The following DLGAP2 variants were observed in gnomAD, a reference collection of about 807,000 sequenced individuals.
DLGAP2 encodes DLG associated protein 2, also known as disks large-associated protein 2.
DLGAP2 carries 26 observed loss-of-function variants against 100.3 expected under a neutral mutation model. The observed-to-expected ratio is 0.26, with a 90% CI of 0.19 to 0.36. DLGAP2 has a LOEUF of 0.36. Among genes scored for constraint, DLGAP2 ranks in the 10% least tolerant of loss-of-function variants. DLGAP2 has a pLI of 1.00. For synonymous variants in DLGAP2, 886 were observed against 630.1 expected, an observed-to-expected ratio of 1.41 and a Z score of -6.08; for missense variants, 1,858 against 1,453.2, an observed-to-expected ratio of 1.28 and a Z score of -4.53.
At chr8:1,044,980 C>T (rs1419297000) in intron 2 of DLGAP2, among the ~76,000 whole-genome samples, 7 of 152,244 alleles carry the variant, frequency 4.6e-5, no homozygotes, top group African/African-American at 7.2e-5. Context: ...TGCTTACCTT[C>T]AGCTACAGAC....
chr8:1,127,610 G>A (rs541380502), intron 2 of DLGAP2, among the ~76,000 whole-genome samples: 1 of 152,328 alleles, frequency 6.6e-6, no homozygotes, highest in African/African-American at 2.4e-5. Flanking sequence ...AGCACTGAGA[G>A]GAGGGGACAG....
At chr8:1,296,868 G>A (rs17063782) in intron 3 of DLGAP2, among the ~76,000 whole-genome samples, 54,553 of 152,072 alleles carry the variant, frequency 0.36, 10,194 homozygotes, top group African/African-American at 0.4. Flanking sequence ...TGTTTCATGC[G>A]GGGCTCAGAA....
chr8:756,164 G>A (rs1820915057), intron 1 of DLGAP2, among the ~76,000 whole-genome samples: 1 of 152,186 alleles, frequency 6.6e-6, no homozygotes, highest in Admixed American at 6.5e-5. Flanking sequence ...GTGTGAGGAT[G>A]AGCGGGTTGG....
At chr8:948,215 G>C (rs1405657779) in intron 2 of DLGAP2, among the ~76,000 whole-genome samples, 2 of 152,312 alleles carry the variant, frequency 1.3e-5, no homozygotes, top group South Asian at 4.1e-4. Context: ...CTTTCACTTT[G>C]ATTTGGGGCA....
At chr8:1,249,172 A>C (rs1412546192) in intron 2 of DLGAP2, among the ~76,000 whole-genome samples, 1 of 152,156 alleles carries the variant, frequency 6.6e-6, no homozygotes. Flanking sequence ...TGCCTGCTTT[A>C]CTGCTGGAGA....
chr8:1,332,388 AGT>A (rs968669497), intron 3 of DLGAP2, among the ~76,000 whole-genome samples: 12 of 151,340 alleles, frequency 7.9e-5, no homozygotes, highest in South Asian at 2.1e-4. Flanking sequence ...CATGTGTGTT[AGT>A]GTGTGTCTGC....
chr8:1,036,712 C>T (rs186913204), intron 2 of DLGAP2, among the ~76,000 whole-genome samples: 100 of 152,204 alleles, frequency 6.6e-4, no homozygotes, highest in African/African-American at 2.0e-3. Context: ...GTGCTGGCTC[C>T]GGCTCAGAAC....
intron 1 of DLGAP2, among the ~76,000 whole-genome samples, chr8:795,450 C>T (rs925250123): frequency 3.9e-5 from 6 of 152,178 alleles, no homozygotes; most frequent in African/African-American, 7.2e-5. Context: ...CCATTTTAAA[C>T]AGTGAAATCA....
Position 935,404 on chromosome 8 carries a change from G to C in DLGAP2, c.73+27438G>C, listed in dbSNP as rs114292413. On this transcript the variant is annotated intron_variant, in intron 2 of 14. Transcript: ENST00000637795. The stretch of plus-strand genomic sequence containing the variant: ...TTACATGCTGGATTTTGAAGACTTG[G>C]TATGAAAACACATGTGAAGTAGCTT... Among the ~76,000 whole-genome samples the C allele has an allele frequency of 4.3e-3, 653 of 152,280 alleles. 6 individuals carry two copies. Among genetic ancestry groups the C allele is most frequent in the African/African-American group, 0.015 (616 of 41,546 alleles).
intron 3 of DLGAP2, among the ~76,000 whole-genome samples, chr8:1,435,039 T>C (rs143840364): frequency 8.7e-4 from 132 of 152,304 alleles, no homozygotes; most frequent in African/African-American, 3.0e-3. Context: ...TGCCAACATT[T>C]CAATGGTCAC....
rs186515039 is a variant in DLGAP2, at chr8:1,316,659, G to A, written c.106+57776G>A. Among the ~76,000 whole-genome samples the A allele has an allele frequency of 5.1e-4, 73 of 143,548 alleles. 3 individuals carry two copies. In the South Asian group the frequency reaches 5.6e-3, roughly 11 times the overall value. 94.2% of individuals were successfully genotyped at this position (143,548 alleles called of 152,430 possible). A position where few individuals can be genotyped will look rare whatever the true frequency, so the allele number is the denominator to read the frequency against. The stretch of plus-strand genomic sequence containing the variant: ...GTCTCTCCAACAGTGGTCTACACTC[G>A]AGACACTTGGCAGCTTTTAAAAATA... On this transcript the variant is annotated intron_variant, in intron 3 of 14. Transcript: ENST00000637795.
At chr8:1,634,502 GGTTC>G (rs1797723589) in intron 8 of DLGAP2, among the ~76,000 whole-genome samples, 1 of 152,144 alleles carries the variant, frequency 6.6e-6, no homozygotes, top group Admixed American at 6.5e-5. Flanking sequence ...TGGTTTGGCC[GGTTC>G]TGCTCACTCC....
Position 1,284,404 on chromosome 8 carries a change from G to A in DLGAP2, c.106+25521G>A, listed in dbSNP as rs746929385. Among the ~76,000 whole-genome samples, 7 of 152,216 alleles carry A rather than the reference G, an allele frequency of 4.6e-5. No individual in the cohort carries two copies. The South Asian group carries it at 6.2e-4, about 14-fold the overall frequency. On this transcript the variant is annotated intron_variant, in intron 3 of 14. Transcript: ENST00000637795. ...CCCATCAGTAATTGAGGTGCAGCAC[G>A]GAGAGGAGACAGTGAGAGTGTGCAG...
chr8:1,047,556 T>C (rs1347397969), intron 2 of DLGAP2, among the ~76,000 whole-genome samples: 2 of 152,200 alleles, frequency 1.3e-5, no homozygotes, highest in East Asian at 3.8e-4. Flanking sequence ...GAGTGTCTTA[T>C]AAACAACAGT....
chr8:1,500,234 C>T (rs1799673703), intron 3 of DLGAP2, among the ~76,000 whole-genome samples: 1 of 152,254 alleles, frequency 6.6e-6, no homozygotes, highest in Admixed American at 6.5e-5. Flanking sequence ...CTCCCTGCCC[C>T]CCTCCTCAGG....
chr8:756,836 C>A (rs1820933640), intron 1 of DLGAP2, among the ~76,000 whole-genome samples: 1 of 152,190 alleles, frequency 6.6e-6, no homozygotes, highest in African/African-American at 2.4e-5. Flanking sequence ...CCATCCTACA[C>A]ACAGCTGCCG....
intron 1 of DLGAP2, among the ~76,000 whole-genome samples, chr8:805,949 A>G (rs759611247): frequency 2.0e-5 from 3 of 152,216 alleles, no homozygotes; most frequent in Non-Finnish European, 2.9e-5. Flanking sequence ...TCTGAATTTC[A>G]ACTTGGTCTG....
At chr8:1,526,243 T>A (rs1471137271) in intron 4 of DLGAP2, among the ~76,000 whole-genome samples, 2 of 151,668 alleles carry the variant, frequency 1.3e-5, no homozygotes, top group African/African-American at 4.8e-5. Context: ...CGGTGGCGAT[T>A]GTGTTTTTAC....
chr8:1,266,273 C>T (rs183166286), intron 3 of DLGAP2, among the ~76,000 whole-genome samples: 7 of 152,362 alleles, frequency 4.6e-5, no homozygotes, highest in Admixed American at 3.3e-4. Context: ...GGCATTTTAG[C>T]AAGCACTTAC....
Sources: allele counts gnomAD v4.1 joint callset (sites outside exome capture counted in the v4.1 genomes callset), GRCh38; gene constraint gnomAD v4.1.1; transcripts MANE v1.5; gene names NCBI Gene and HGNC (gene_info 2026-07-23, HGNC 2026-07-21).